Variants in SNX31 observed in about 807,000 individuals in gnomAD.
SNX31 encodes sorting nexin-31.
A neutral mutation model predicts 65.4 loss-of-function variants in SNX31; 58 were observed. That is an observed-to-expected ratio of 0.89 (90% CI 0.72 to 1.10). The LOEUF (loss-of-function observed/expected upper bound fraction) is 1.10, where lower values mean the gene tolerates loss of function less well. Ranked by LOEUF, SNX31 falls within the 50% of genes least tolerant of loss-of-function variation. The pLI is 0.00. For missense variants in SNX31, 523 were observed against 529.7 expected, an observed-to-expected ratio of 0.99 and a Z score of 0.12; for synonymous variants, 181 against 190.1, an observed-to-expected ratio of 0.95 and a Z score of 0.39.
chr8:100,624,204 C>T (rs1817896298), intron 4 of SNX31, among the ~76,000 whole-genome samples: 1 of 152,082 alleles, frequency 6.6e-6, no homozygotes. Flanking sequence ...AATCCCAGCT[C>T]CTGGGGAAGC....
chr8:100,638,471 G>T (rs374080673), intron 2 of SNX31, among the ~76,000 whole-genome samples: 1 of 152,168 alleles, frequency 6.6e-6, no homozygotes, highest in Admixed American at 6.5e-5. Flanking sequence ...GGAAACATTG[G>T]TCTAACATCT....
intron 3 of SNX31, among the ~76,000 whole-genome samples, chr8:100,635,571 G>C (rs953281695): frequency 1.4e-5 from 2 of 144,040 alleles, no homozygotes; most frequent in African/African-American, 2.6e-5. Flanking sequence ...AAAAAAAAAA[G>C]GTATTTTTAA....
intron 2 of SNX31, among the ~76,000 whole-genome samples, chr8:100,645,708 C>T (rs147020836): frequency 1.3e-5 from 2 of 150,790 alleles, no homozygotes; most frequent in African/African-American, 4.9e-5. Context: ...ACCTCCCAGG[C>T]TCAAGCGATC....
Position 100,576,869 on chromosome 8 carries a change from G to T in SNX31, c.1227+150C>A. On this transcript the variant is annotated intron_variant, in intron 13 of 13. Transcript: ENST00000311812. This position sits in a 1 kb window ranked among gnomAD's most constrained non-coding sequence, Gnocchi z 4.8. ...ATAAAAATACTATACTTCTGTGATG[G>T]CCTTCCAATTGGCCCAATCTACAAA... The T allele has an allele frequency of 1.6e-6, 1 of 635,498 alleles. No homozygotes were observed. The highest frequency in any genetic ancestry group is 2.7e-6 in the Non-Finnish European group (1 of 365,242). 39.4% of individuals were successfully genotyped at this position (635,498 alleles called of 1,614,324 possible).
At position 100,609,642 on chromosome 8, in the gene SNX31, T is replaced by C. The variant is rs1027842570; in HGVS notation, c.612-1079A>G. Among the ~76,000 whole-genome samples the C allele has an allele frequency of 6.6e-6, 1 of 152,176 alleles. No homozygotes were observed. The highest frequency in any genetic ancestry group is 6.5e-5 in the Admixed American group (1 of 15,282). ...AAGGCAGAGGCAAGCAGAGTTGCTA[T>C]GCTCAGAATAGGGTGAATAGACCAA... is the stretch of plus-strand genomic sequence containing the variant. On this transcript the variant is annotated intron_variant, in intron 7 of 13. Coordinates refer to ENST00000311812, the MANE Select transcript of SNX31 (RefSeq NM_152628.4). This position sits in a 1 kb window ranked among gnomAD's most constrained non-coding sequence, Gnocchi z 4.9.
chr8:100,649,749 G>T, upstream of SNX31: 1 of 445,382 alleles, frequency 2.2e-6, no homozygotes. Flanking sequence ...GATAGGTGGC[G>T]CCTGGGGCTG....
intron 7 of SNX31, 43 bp from the exon 8 acceptor site, chr8:100,608,606 C>T: frequency 6.3e-7 from 1 of 1,593,376 alleles, no homozygotes; most frequent in Non-Finnish European, 8.6e-7. Context: ...GTGACATGGC[C>T]CATGGGCACA....
intron 1 of SNX31, chr8:100,657,690 T>A (rs1563594840): frequency 6.6e-6 from 3 of 455,392 alleles, no homozygotes; most frequent in South Asian, 1.5e-5. Flanking sequence ...GGAATACAGG[T>A]GAAGATCAGG....
At chr8:100,644,222 G>C (rs1290681326) in intron 2 of SNX31, among the ~76,000 whole-genome samples, 1 of 152,178 alleles carries the variant, frequency 6.6e-6, no homozygotes, top group East Asian at 1.9e-4. Context: ...CCCTCCTACT[G>C]ACGGGTCCTT....
intron 2 of SNX31, among the ~76,000 whole-genome samples, chr8:100,644,312 CACAGAGCCCCATATCACTT>C (rs1819477992): frequency 6.6e-6 from 1 of 152,180 alleles, no homozygotes; most frequent in Admixed American, 6.5e-5. Context: ...TATCACTGTT[CACAGAGCCCCATATCACTT>C]ACACAGGATG....
At chr8:100,615,233 A>G (rs1349477479) in intron 5 of SNX31, among the ~76,000 whole-genome samples, 1 of 152,216 alleles carries the variant, frequency 6.6e-6, no homozygotes, top group Non-Finnish European at 1.5e-5. Flanking sequence ...TTCTGACTGC[A>G]AATGTACTTC....
intron 1 of SNX31, among the ~76,000 whole-genome samples, chr8:100,657,505 G>C (rs951916385): frequency 4.6e-5 from 7 of 151,668 alleles, no homozygotes; most frequent in African/African-American, 1.7e-4. Context: ...GGAGGGAAGG[G>C]AGCCCCGAGG....
intron 3 of SNX31, among the ~76,000 whole-genome samples, chr8:100,631,942 T>C (rs1359962163): frequency 6.6e-6 from 1 of 152,224 alleles, no homozygotes; most frequent in Non-Finnish European, 1.5e-5. Context: ...TAAGTACCAG[T>C]ATTAGGCTAA....
At chr8:100,657,452 C>CA (rs34516016) in intron 1 of SNX31, among the ~76,000 whole-genome samples, 3,231 of 102,348 alleles carry the variant, frequency 0.032, 74 homozygotes, top group East Asian at 0.12. Context: ...AACTCCAACT[C>CA]AAAAAAAAAA....
Position 100,610,069 on chromosome 8 carries a change from C to G in SNX31, c.612-1506G>C, listed in dbSNP as rs1256699141. Among the ~76,000 whole-genome samples the G allele has an allele frequency of 6.6e-6, 1 of 152,224 alleles. No individual in the cohort carries two copies. Among genetic ancestry groups the G allele is most frequent in the East Asian group, 1.9e-4 (1 of 5,198 alleles). On this transcript the variant is annotated intron_variant, in intron 7 of 13. Transcript: ENST00000311812. This position sits in a 1 kb window ranked among gnomAD's most constrained non-coding sequence, Gnocchi z 4.0. The stretch of plus-strand genomic sequence containing the variant: ...GCAAGGCACCTGCAGGAGCCTATGC[C>G]AGAATCTCCCCTCCAGAGACCTGAT...
chr8:100,632,960 T>C (rs1304659567), intron 3 of SNX31, among the ~76,000 whole-genome samples: 1 of 152,142 alleles, frequency 6.6e-6, no homozygotes. Context: ...GGTCTTTCTC[T>C]GTTGCCCAGC....
chr8:100,607,528 T>C (rs1254067615), intron 8 of SNX31, among the ~76,000 whole-genome samples: 1 of 152,206 alleles, frequency 6.6e-6, no homozygotes. Flanking sequence ...GAAAATGTTG[T>C]TCAAAAATTA....
At chr8:100,595,366 T>C (rs1385042417) in intron 10 of SNX31, among the ~76,000 whole-genome samples, 4 of 150,522 alleles carry the variant, frequency 2.7e-5, no homozygotes, top group Admixed American at 2.0e-4. Context: ...TGGAGTGCAG[T>C]GATGTAATCT....
intron 10 of SNX31, among the ~76,000 whole-genome samples, chr8:100,593,156 A>G (rs1333976777): frequency 1.2e-4 from 18 of 152,202 alleles, no homozygotes; most frequent in Admixed American, 1.2e-3. Context: ...ATTGAATCGT[A>G]TACTTTATAT....
Sources: gnomAD v4.1 joint callset for allele counts (sites outside exome capture counted in the v4.1 genomes callset) on GRCh38, gnomAD v4.1.1 for gene constraint, Gnocchi (gnomAD v3.1) non-coding constraint, MANE v1.5 for transcripts, NCBI Gene and HGNC (gene_info 2026-07-23, HGNC 2026-07-21) for gene names.